Variants in MEF2C observed in about 807,000 individuals in gnomAD.
MEF2C encodes myocyte-specific enhancer factor 2C.
Under a neutral mutation model 50.5 loss-of-function variants are expected in MEF2C, and 6 were observed. The ratio of observed to expected loss-of-function variants is 0.12; its 90% CI spans 0.07 to 0.23. The LOEUF (loss-of-function observed/expected upper bound fraction) is 0.23. MEF2C is among the 10% of genes least tolerant of loss of function. The pLI is 1.00. For missense variants in MEF2C, 276 were observed against 605.0 expected, an observed-to-expected ratio of 0.46 and a Z score of 5.70; for synonymous variants, 183 against 228.0, an observed-to-expected ratio of 0.80 and a Z score of 1.78.
chr5:88,804,398 C>T, intron 3 of MEF2C, 200 bp downstream of exon 3: 1 of 558,364 alleles, frequency 1.8e-6, no homozygotes, highest in Non-Finnish European at 3.2e-6. Context: ...TACATGGTCT[C>T]TATCATCACA....
intron 4 of MEF2C, among the ~76,000 whole-genome samples, chr5:88,755,753 T>C (rs1775011374): frequency 6.6e-6 from 1 of 152,206 alleles, no homozygotes; most frequent in Non-Finnish European, 1.5e-5. Context: ...AACTATATCT[T>C]CCCTGAATAT....
At chr5:88,857,630 C>G (rs1476272861) in intron 1 of MEF2C, among the ~76,000 whole-genome samples, 1 of 151,950 alleles carries the variant, frequency 6.6e-6, no homozygotes, top group East Asian at 1.9e-4. Context: ...GGGGGTAGTT[C>G]CCCCGTACTG....
In MEF2C at chr5:88,735,064, C is replaced by A. The variant is rs1484325425; in HGVS notation, c.638-3163G>T. 5 of 985,286 alleles carry A rather than the reference C, an allele frequency of 5.1e-6. No individual in the cohort carries two copies. The South Asian group carries it at 1.4e-4, about 28-fold the overall frequency. The allele number at this position is 985,286 out of a possible 1,614,324, so 61.0% of individuals were successfully genotyped here. ...TTATTCTTTGGACATAATATAGATT[C>A]AGGAATGCAAGACTGTGGATCCTAA... On this transcript the variant is annotated intron_variant, in intron 6 of 10. Coordinates refer to ENST00000504921, the MANE Select transcript of MEF2C (RefSeq NM_002397.5).
chr5:88,828,184 A>G, intron 1 of MEF2C, among the ~76,000 whole-genome samples: 1 of 152,006 alleles, frequency 6.6e-6, no homozygotes, highest in South Asian at 2.1e-4. Context: ...TTGATTTAGA[A>G]GTTAAACATA....
chr5:88,799,875 C>T (rs867905078), intron 3 of MEF2C, among the ~76,000 whole-genome samples: 12,911 of 79,016 alleles, frequency 0.16, 562 homozygotes, highest in South Asian at 0.22. Flanking sequence ...CTCTCTCACA[C>T]ACACACACAC....
rs189867841 is a variant in MEF2C at position 88,789,935 on chromosome 5, A to G, written c.258+14663T>C. Among the ~76,000 whole-genome samples, 4 of 152,310 alleles carry G rather than the reference A, an allele frequency of 2.6e-5. No individual in the cohort carries two copies. In the East Asian group the frequency reaches 7.7e-4, roughly 29 times the overall value. On this transcript the variant is annotated intron_variant, in intron 3 of 10. Coordinates refer to ENST00000504921, the MANE Select transcript of MEF2C (RefSeq NM_002397.5). The stretch of plus-strand genomic sequence containing the variant: ...CCAGAATGTCCTATTGATTATTTTG[A>G]CCAAGAAAATAATGAAAAAGTTATG...
intron 3 of MEF2C, among the ~76,000 whole-genome samples, chr5:88,801,206 G>C (rs983653013): frequency 2.0e-5 from 3 of 152,166 alleles, no homozygotes; most frequent in African/African-American, 7.2e-5. Flanking sequence ...GGTTAAGGAA[G>C]AGGGGTAATG....
In MEF2C at chr5:88,722,029, T is replaced by C. The variant is rs1756502317; in HGVS notation, c.*575A>G. 1 of 152,574 alleles carries C rather than the reference T, an allele frequency of 6.6e-6. No homozygotes were observed. The highest frequency in any genetic ancestry group is 1.5e-5 in the Non-Finnish European group (1 of 68,048). 9.5% of individuals were successfully genotyped at this position (152,574 alleles called of 1,614,324 possible). On this transcript the variant is annotated 3_prime_UTR_variant, in exon 11 of 11. Transcript: ENST00000504921. ...ACTCCACATTTTTTTTTAATAGGTA[T>C]GGTCCTCTTTTAATGGTCTCTGATC... is the stretch of plus-strand genomic sequence containing the variant.
chr5:88,869,254 T>TATATATATATATATATATATACAC (rs1828422324), intron 1 of MEF2C, among the ~76,000 whole-genome samples: 1 of 48,372 alleles, frequency 2.1e-5, no homozygotes, highest in Non-Finnish European at 3.3e-5. Flanking sequence ...CTAGTTTTCA[T>TATATATATATATATATATATACAC]ATATATATAT....
intron 3 of MEF2C, among the ~76,000 whole-genome samples, chr5:88,791,133 A>T (rs1793559374): frequency 6.6e-6 from 1 of 152,182 alleles, no homozygotes; most frequent in South Asian, 2.1e-4. Flanking sequence ...TACTTAGATG[A>T]TATCAATGGC....
intron 3 of MEF2C, among the ~76,000 whole-genome samples, chr5:88,785,762 AAGTT>A (rs34708229): frequency 0.58 from 87,268 of 151,692 alleles, 27,045 homozygotes; most frequent in Non-Finnish European, 0.71. Flanking sequence ...GACCTTAGGA[AAGTT>A]AGTTATTTAT....
chr5:88,782,898 CTCT>C (rs1157251182), intron 3 of MEF2C, among the ~76,000 whole-genome samples: 1 of 152,160 alleles, frequency 6.6e-6, no homozygotes, highest in Non-Finnish European at 1.5e-5. Context: ...ATTTCCCTGT[CTCT>C]TCTTCCCATT....
chr5:88,719,677 A>T lies in MEF2C; in HGVS notation c.*2927T>A, dbSNP rs1755628058. 1 of 152,252 alleles carries T rather than the reference A, an allele frequency of 6.6e-6. No homozygotes were observed. The highest frequency in any genetic ancestry group is 2.4e-5 in the African/African-American group (1 of 41,474). 9.4% of individuals were successfully genotyped at this position (152,252 alleles called of 1,614,324 possible). A position where few individuals can be genotyped will look rare whatever the true frequency, so the allele number is the denominator to read the frequency against. Reference sequence around the variant, plus strand: ...TACAATAAATGGTAAATTACAGATAAGGTATAAGGGTAAAGATAGACCAAG... The same window carrying T: ...TACAATAAATGGTAAATTACAGATATGGTATAAGGGTAAAGATAGACCAAG... On this transcript the variant is annotated 3_prime_UTR_variant, in exon 11 of 11. Coordinates refer to ENST00000504921, the MANE Select transcript of MEF2C (RefSeq NM_002397.5).
intron 6 of MEF2C, 130 bp downstream of exon 6, chr5:88,748,940 C>A (rs1771263971): frequency 1.6e-5 from 24 of 1,517,098 alleles, no homozygotes; most frequent in South Asian, 1.3e-4. Context: ...TTTAAAAATT[C>A]TTGGTGTCAT....
At chr5:88,839,357 CTA>C in intron 1 of MEF2C, 2 of 151,428 alleles carry the variant, frequency 1.3e-5, no homozygotes, top group African/African-American at 2.4e-5. Flanking sequence ...CTCTCTCTAT[CTA>C]TCTATCTCTA....
At chr5:88,745,586 G>A (rs951842832) in intron 6 of MEF2C, among the ~76,000 whole-genome samples, 1 of 152,234 alleles carries the variant, frequency 6.6e-6, no homozygotes, top group Non-Finnish European at 1.5e-5. Flanking sequence ...AAGGAGAGAG[G>A]ATTGCTTGAA....
chr5:88,863,147 C>T (rs1826044283), intron 1 of MEF2C, among the ~76,000 whole-genome samples: 1 of 152,196 alleles, frequency 6.6e-6, no homozygotes, highest in African/African-American at 2.4e-5. Flanking sequence ...AGTCATCTCC[C>T]AAAAGAGCTG....
chr5:88,773,623 T>C (rs1402119254), intron 3 of MEF2C, among the ~76,000 whole-genome samples: 1 of 152,232 alleles, frequency 6.6e-6, no homozygotes, highest in African/African-American at 2.4e-5. Context: ...AGAATGTTGC[T>C]ACAAATTGGT....
chr5:88,781,875 AG>A (rs1237921329), intron 3 of MEF2C, among the ~76,000 whole-genome samples: 1 of 152,186 alleles, frequency 6.6e-6, no homozygotes, highest in Non-Finnish European at 1.5e-5. Flanking sequence ...CGGGAGACTG[AG>A]GCAGGAGAAT....
Sources: gnomAD v4.1 joint callset for allele counts (sites outside exome capture counted in the v4.1 genomes callset) on GRCh38, gnomAD v4.1.1 for gene constraint, MANE v1.5 for transcripts, NCBI Gene and HGNC (gene_info 2026-07-23, HGNC 2026-07-21) for gene names.